Variants in TM4SF20 observed in about 807,000 individuals in gnomAD.
TM4SF20 encodes transmembrane 4 L six family member 20, also known as transmembrane 4 L6 family member 20.
Under a neutral mutation model 15.1 loss-of-function variants are expected in TM4SF20, and 13 were observed. That is an observed-to-expected ratio of 0.86 (90% confidence interval 0.56 to 1.36). TM4SF20 has a LOEUF of 1.36. TM4SF20 is among the 40% of genes most tolerant of loss of function. TM4SF20 has a pLI of 0.00. For missense variants in TM4SF20, 282 were observed against 268.4 expected, an observed-to-expected ratio of 1.05 and a Z score of -0.35; for synonymous variants, 92 against 96.6, an observed-to-expected ratio of 0.95 and a Z score of 0.28.
chr2:227,362,146 A>G lies in TM4SF20; in HGVS notation c.*1578T>C, dbSNP rs1196493360. 3 of 152,240 alleles carry G rather than the reference A, an allele frequency of 2.0e-5. No individual in the cohort carries two copies. In the East Asian group the frequency reaches 5.8e-4, roughly 29 times the overall value. 9.4% of individuals were successfully genotyped at this position (152,240 alleles called of 1,614,324 possible). ...TAAACAATTGAAATATAGAAATAAC[A>G]TTCAGAAAATTTTAGATTTTTAGCT... On this transcript the variant is annotated 3_prime_UTR_variant, in exon 4 of 4. Transcript: ENST00000304568.
chr2:227,369,262 A>G (rs2106490953), intron 2 of TM4SF20, among the ~76,000 whole-genome samples: 1 of 152,326 alleles, frequency 6.6e-6, no homozygotes, highest in South Asian at 2.1e-4. Context: ...TGAATCTTCC[A>G]TTATGGATAG....
Position 227,370,939 on chromosome 2 carries a change from T to A in TM4SF20, c.225A>T (p.Arg75Ser), listed in dbSNP as rs144716300. 4.0e-4 allele frequency: 643 copies of A among 1,613,902 alleles called. No homozygotes were observed. Among genetic ancestry groups the A allele is most frequent in the Non-Finnish European group, 5.2e-4 (617 of 1,179,930 alleles). The change falls in exon 2 of 4, where the codon AGA becomes AGT. Residue 75 changes from arginine (R) to serine (S), a missense_variant. Arg to Ser is a moderately radical substitution (Grantham distance 110). Coordinates refer to ENST00000304568, the MANE Select transcript of TM4SF20 (RefSeq NM_024795.4). ...ATTMSLTARK[R>S]ACCNNRTGMF... ...CTCCAGTTCTGTTGTTGCAGCACGC[T>A]CTTTTTCTTGCTGTCAAGGACATTG...
intron 2 of TM4SF20, 135 bp downstream of exon 2, chr2:227,370,780 A>G: frequency 1.4e-6 from 1 of 729,532 alleles, no homozygotes; most frequent in Non-Finnish European, 2.4e-6. Context: ...TAAAAATAGC[A>G]TGTTTCTAAG....
At chr2:227,380,168 A>G (rs1465851002), upstream of TM4SF20, among the ~76,000 whole-genome samples, 1 of 152,178 alleles carries the variant, frequency 6.6e-6, no homozygotes, top group Admixed American at 6.5e-5. Flanking sequence ...CATCTGTACC[A>G]AAAAAACAAA....
upstream of TM4SF20, among the ~76,000 whole-genome samples, chr2:227,381,141 G>C (rs2106498950): frequency 6.6e-6 from 1 of 152,148 alleles, no homozygotes; most frequent in South Asian, 2.1e-4. Flanking sequence ...GCTGGGTGTG[G>C]TGGCAGGTGC....
At chr2:227,372,893 A>AT (rs2076428104) in intron 1 of TM4SF20, among the ~76,000 whole-genome samples, 1 of 151,566 alleles carries the variant, frequency 6.6e-6, no homozygotes, top group African/African-American at 2.4e-5. Flanking sequence ...TCTGGGGGGC[A>AT]TTTTTTTGTA....
In TM4SF20 at chr2:227,363,584, A is replaced by G. The variant is rs551267007; in HGVS notation, c.*140T>C. ...TCCACCTTTCCCAAATCAACCACTG[A>G]TATGAGAGTGTTATGCATTTACAAC... On this transcript the variant is annotated 3_prime_UTR_variant, in exon 4 of 4. Coordinates refer to ENST00000304568, the MANE Select transcript of TM4SF20 (RefSeq NM_024795.4). The G allele has an allele frequency of 1.2e-6, 1 of 813,806 alleles. No homozygotes were observed. The highest frequency in any genetic ancestry group is 1.7e-5 in the African/African-American group (1 of 57,726). 50.4% of individuals were successfully genotyped at this position (813,806 alleles called of 1,614,324 possible).
At chr2:227,366,699 A>T in intron 2 of TM4SF20, among the ~76,000 whole-genome samples, 1 of 123,692 alleles carries the variant, frequency 8.1e-6, no homozygotes, top group African/African-American at 3.1e-5. Context: ...CTGCTGGGTG[A>T]CAGAGCAAGA....
intron 1 of TM4SF20, among the ~76,000 whole-genome samples, chr2:227,374,650 T>G (rs1391974755): frequency 1.3e-5 from 2 of 152,108 alleles, no homozygotes; most frequent in Non-Finnish European, 2.9e-5. Flanking sequence ...TGTATTTAGT[T>G]TGAGAAGTTA....
chr2:227,363,974 A>G lies in TM4SF20; in HGVS notation c.440T>C (p.Phe147Ser). 6.2e-7 allele frequency: 1 copy of G among 1,613,534 alleles called. No homozygotes were observed. The highest frequency in any genetic ancestry group is 8.5e-7 in the Non-Finnish European group (1 of 1,179,758). ...AGTAGGAGGTGCACAAGAGTCATTGAAAAACCACTGCAAGTTGAAGGATTC... is the reference window on the plus strand; with the variant it reads ...AGTAGGAGGTGCACAAGAGTCATTGGAAAACCACTGCAAGTTGAAGGATTC... ...HPESFNLQWF[F>S]NDSCAPPTGF... The change falls in exon 4 of 4, where the codon TTC (phenylalanine) becomes TCC (serine). Residue 147 changes from phenylalanine to serine, a missense_variant. Phe to Ser is a radical substitution (Grantham distance 155, BLOSUM62 -2). Transcript: ENST00000304568.
intron 2 of TM4SF20, among the ~76,000 whole-genome samples, chr2:227,368,850 G>T (rs1308930145): frequency 6.6e-6 from 1 of 152,206 alleles, no homozygotes. Flanking sequence ...GACAAGCCTT[G>T]GTCAACCCTT....
chr2:227,377,616 T>A (rs954426353), intron 1 of TM4SF20, among the ~76,000 whole-genome samples: 1 of 152,212 alleles, frequency 6.6e-6, no homozygotes, highest in African/African-American at 2.4e-5. Flanking sequence ...ATGTCCTGAA[T>A]TTCTTTAAAA....
In TM4SF20 at chr2:227,363,846, A is replaced by G; in HGVS notation, c.568T>C (p.Ser190Pro). Residue 190 changes from serine (S) to proline (P), a missense_variant, in exon 4 of 4, where the codon TCA becomes CCA. Ser to Pro is a moderately conservative substitution (Grantham distance 74). Transcript: ENST00000304568. ...EENKHRLIHF[S>P]VFLGLLLVGI... is the part of the protein sequence containing the mutation. Reference sequence around the variant, plus strand: ...ACAAGCAATAGACCTAAAAATACTGAGAAGTGGATAAGCCTATGTTTGTTT... The same window carrying G: ...ACAAGCAATAGACCTAAAAATACTGGGAAGTGGATAAGCCTATGTTTGTTT... 1 of 1,614,204 alleles carries G rather than the reference A, an allele frequency of 6.2e-7. No individual in the cohort carries two copies. Among genetic ancestry groups the G allele is most frequent in the Non-Finnish European group, 8.5e-7 (1 of 1,180,036 alleles).
intron 2 of TM4SF20, among the ~76,000 whole-genome samples, chr2:227,367,489 C>A (rs750549665): frequency 1.3e-5 from 2 of 151,128 alleles, no homozygotes; most frequent in African/African-American, 2.4e-5. Context: ...GCCTGGGCAA[C>A]GTAGTAAGAG....
At chr2:227,372,307 C>T (rs1336792261) in intron 1 of TM4SF20, among the ~76,000 whole-genome samples, 1 of 152,146 alleles carries the variant, frequency 6.6e-6, no homozygotes, top group African/African-American at 2.4e-5. Context: ...GGACAAATTA[C>T]TCAAATTGTC....
chr2:227,379,112 G>A lies in TM4SF20; in HGVS notation c.157C>T (p.Pro53Ser), dbSNP rs2076466028. 1.9e-6 allele frequency: 3 copies of A among 1,613,968 alleles called. No homozygotes were observed. The highest frequency in any genetic ancestry group is 2.5e-6 in the Non-Finnish European group (3 of 1,180,028). ...ATCAGACCTGCTCCTATAATTCCTGGGAACCACCACTCAAAGCAAGAGATG... is the reference window on the plus strand; with the variant it reads ...ATCAGACCTGCTCCTATAATTCCTGAGAACCACCACTCAAAGCAAGAGATG... ...NPISCFEWWF[P>S]GIIGAGLMAI... is the part of the protein sequence containing the mutation. Residue 53 changes from proline to serine, a missense_variant, in exon 1 of 4, where the codon CCA (proline) becomes TCA (serine). Transcript: ENST00000304568.
At chr2:227,376,501 T>C (rs557241996) in intron 1 of TM4SF20, among the ~76,000 whole-genome samples, 2 of 152,360 alleles carry the variant, frequency 1.3e-5, no homozygotes, top group African/African-American at 2.4e-5. Context: ...AAAGTTCATA[T>C]TGGACTTTTC....
chr2:227,365,469 A>G (rs1203797420), intron 3 of TM4SF20, among the ~76,000 whole-genome samples: 4 of 152,212 alleles, frequency 2.6e-5, no homozygotes, highest in African/African-American at 9.6e-5. Context: ...CCACTTATTA[A>G]GTACATGTAA....
At position 227,366,129 on chromosome 2, in the gene TM4SF20, C is replaced by A. The variant is rs759003356; in HGVS notation, c.365G>T (p.Ser122Ile). 6.2e-7 allele frequency: 1 copy of A among 1,613,678 alleles called. No homozygotes were observed. Among genetic ancestry groups the A allele is most frequent in the South Asian group, 1.1e-5 (1 of 90,940 alleles). Reference protein sequence around the residue: ...GPLMCNSPSNSNANCEFSLKN... With the variant: ...GPLMCNSPSNINANCEFSLKN... Reference sequence around the variant, plus strand: ...CAATGAAAATTCACAATTGGCATTACTGTTGCTTGGAGAATTACACATGAG... The same window carrying A: ...CAATGAAAATTCACAATTGGCATTAATGTTGCTTGGAGAATTACACATGAG... The change falls in exon 3 of 4, where the codon AGT (serine) becomes ATT (isoleucine). Residue 122 changes from serine (S) to isoleucine (I), a missense_variant. Coordinates refer to ENST00000304568, the MANE Select transcript of TM4SF20 (RefSeq NM_024795.4).
Sources: gnomAD v4.1 joint callset for allele counts (sites outside exome capture counted in the v4.1 genomes callset) on GRCh38, gnomAD v4.1.1 for gene constraint, MANE v1.5 for transcripts, NCBI Gene and HGNC (gene_info 2026-07-23, HGNC 2026-07-21) for gene names.